The following PRDM12 variants were observed in gnomAD, a reference collection of about 807,000 sequenced individuals.
The protein encoded by PRDM12 is PR domain zinc finger protein 12.
PRDM12 carries 17 observed loss-of-function variants against 29.6 expected under a neutral mutation model. The observed-to-expected ratio is 0.57, with a 90% CI of 0.39 to 0.86. The LOEUF is 0.86. Among genes scored for constraint, PRDM12 ranks in the 40% least tolerant of loss-of-function variants. The pLI, the probability that PRDM12 is intolerant of heterozygous loss-of-function variation, is 0.00. For synonymous variants in PRDM12, 231 were observed against 225.8 expected (o/e 1.02, Z -0.21); for missense variants, 422 against 510.8 (o/e 0.83, Z 1.68).
At chr9:130,671,880 C>A (rs1588186241) in intron 3 of PRDM12, among the ~76,000 whole-genome samples, 1 of 152,186 alleles carries the variant, frequency 6.6e-6, no homozygotes, top group East Asian at 1.9e-4. Flanking sequence ...CCATTACTTA[C>A]CAAAAATAGG....
chr9:130,671,774 G>A (rs538609292), intron 3 of PRDM12, among the ~76,000 whole-genome samples: 16 of 152,230 alleles, frequency 1.1e-4, no homozygotes, highest in Admixed American at 2.0e-4. Flanking sequence ...TATTCTCTGC[G>A]TGTGGGTGAG....
rs1362393942 is a variant in PRDM12 at position 130,668,330 on chromosome 9, G to T, written c.570+17G>T. ...GCCATTGAGGTGTGTGTGTGTGTGT[G>T]CACTGTTGTGTAGGGACCAGCCGGT... On this transcript the variant is annotated intron_variant, in intron 3 of 4. Coordinates refer to ENST00000253008, the MANE Select transcript of PRDM12 (RefSeq NM_021619.3). This position sits in a 1 kb window ranked among gnomAD's most constrained non-coding sequence, Gnocchi z 4.0. 25 of 1,612,922 alleles carry T rather than the reference G, an allele frequency of 1.5e-5. No homozygotes were observed. Among genetic ancestry groups the T allele is most frequent in the Non-Finnish European group, 2.1e-5 (25 of 1,179,426 alleles).
chr9:130,675,688 G>C (rs1194836857), intron 3 of PRDM12, among the ~76,000 whole-genome samples: 2 of 152,226 alleles, frequency 1.3e-5, no homozygotes, highest in Admixed American at 6.5e-5. Flanking sequence ...GCAATGTGAG[G>C]AAACAGGCCC....
intron 3 of PRDM12, among the ~76,000 whole-genome samples, chr9:130,671,357 C>CAAA (rs781747555): frequency 3.6e-5 from 5 of 137,932 alleles, no homozygotes; most frequent in African/African-American, 1.3e-4. Flanking sequence ...ACAACAACAA[C>CAAA]AAAAAAAGAG....
chr9:130,677,425 C>T (rs773754981), intron 3 of PRDM12, among the ~76,000 whole-genome samples: 1 of 152,028 alleles, frequency 6.6e-6, no homozygotes, highest in Non-Finnish European at 1.5e-5. Context: ...GTTTCAGACA[C>T]CTCTAGATGG....
Position 130,682,092 on chromosome 9 carries a change from A to G in PRDM12, c.*423A>G, listed in dbSNP as rs1232754609. The G allele has an allele frequency of 6.6e-6, 1 of 151,182 alleles. No individual in the cohort carries two copies. Among genetic ancestry groups the G allele is most frequent in the Non-Finnish European group, 1.5e-5 (1 of 67,930 alleles). The allele number at this position is 151,182 out of a possible 1,614,324, so 9.4% of individuals were successfully genotyped here. ...GCCACCGAGAGTCCTGTGCTTCGGAATGAAGGGAGGGCGACCTCCTTGTCC... is the reference window on the plus strand; with the variant it reads ...GCCACCGAGAGTCCTGTGCTTCGGAGTGAAGGGAGGGCGACCTCCTTGTCC... On this transcript the variant is annotated 3_prime_UTR_variant, in exon 5 of 5. Transcript: ENST00000253008. This position sits in a 1 kb window ranked among gnomAD's most constrained non-coding sequence, Gnocchi z 4.2.
intron 3 of PRDM12, among the ~76,000 whole-genome samples, chr9:130,672,262 T>C (rs867105978): frequency 1.9e-4 from 29 of 152,160 alleles, no homozygotes; most frequent in Admixed American, 1.3e-4. Flanking sequence ...AGTGCAATGG[T>C]GCAATCTTGG....
chr9:130,669,309 A>G (rs1283724776), intron 3 of PRDM12, among the ~76,000 whole-genome samples: 2 of 152,122 alleles, frequency 1.3e-5, no homozygotes, highest in Admixed American at 6.6e-5. Flanking sequence ...CCTGGGCGAC[A>G]GAGCGAGACT....
intron 4 of PRDM12, 92 bp downstream of exon 4, chr9:130,678,732 C>T (rs945022126): frequency 8.5e-6 from 9 of 1,063,152 alleles, no homozygotes; most frequent in Admixed American, 4.7e-5. Flanking sequence ...CAGAGAGGCT[C>T]TTGGCCTCCA....
In PRDM12 at chr9:130,668,107, T is replaced by A. The variant is rs1415796206; in HGVS notation, c.415-51T>A. 6.3e-7 allele frequency: 1 copy of A among 1,599,378 alleles called. No individual in the cohort carries two copies. Among genetic ancestry groups the A allele is most frequent in the South Asian group, 1.1e-5 (1 of 90,368 alleles). On this transcript the variant is annotated intron_variant, in intron 2 of 4. Coordinates refer to ENST00000253008, the MANE Select transcript of PRDM12 (RefSeq NM_021619.3). This position sits in a 1 kb window ranked among gnomAD's most constrained non-coding sequence, Gnocchi z 4.0. Reference sequence around the variant, plus strand: ...GTGTGTGGATGTGCCTGGAAGATGGTACACATGGCATAGCCCTGCCTTACC... The same window carrying A: ...GTGTGTGGATGTGCCTGGAAGATGGAACACATGGCATAGCCCTGCCTTACC...
At chr9:130,667,425 G>A (rs1830743569) in intron 2 of PRDM12, among the ~76,000 whole-genome samples, 1 of 152,048 alleles carries the variant, frequency 6.6e-6, no homozygotes, top group African/African-American at 2.4e-5. Flanking sequence ...TGCCAGGGAG[G>A]GCCACCCCTG....
intron 2 of PRDM12, among the ~76,000 whole-genome samples, chr9:130,667,531 G>C (rs1373427302): frequency 1.3e-5 from 2 of 151,046 alleles, no homozygotes; most frequent in Non-Finnish European, 3.0e-5. Context: ...CCCCACTCCA[G>C]CTCCCCCCGG....
chr9:130,674,492 T>TGTGTGTGTG (rs1830817610), intron 3 of PRDM12, among the ~76,000 whole-genome samples: 2 of 142,796 alleles, frequency 1.4e-5, no homozygotes, highest in African/African-American at 5.3e-5. Flanking sequence ...AAAAGATAAT[T>TGTGTGTGTG]TGTGTGTGTG....
chr9:130,680,644 TATATATATATATA>T (rs1830888100), intron 4 of PRDM12, among the ~76,000 whole-genome samples: 1 of 79,568 alleles, frequency 1.3e-5, no homozygotes. Flanking sequence ...AATATATATA[TATATATATATATA>T]TATTTTTTTT....
intron 1 of PRDM12, among the ~76,000 whole-genome samples, chr9:130,666,294 CG>C (rs1564244377): frequency 6.6e-6 from 1 of 152,196 alleles, no homozygotes; most frequent in Non-Finnish European, 1.5e-5. Context: ...TAAACTTATC[CG>C]GGGCAGAGGA....
At chr9:130,675,012 T>G (rs965517380) in intron 3 of PRDM12, among the ~76,000 whole-genome samples, 9 of 152,168 alleles carry the variant, frequency 5.9e-5, no homozygotes, top group African/African-American at 9.6e-5. Flanking sequence ...CCTGAGCAGG[T>G]GGGATTACAG....
intron 3 of PRDM12, among the ~76,000 whole-genome samples, chr9:130,673,009 C>G (rs74540582): frequency 6.6e-6 from 1 of 152,160 alleles, no homozygotes; most frequent in South Asian, 2.1e-4. Context: ...CGCTGGTATT[C>G]CAGAGTTTTA....
chr9:130,680,669 T>A, intron 4 of PRDM12, among the ~76,000 whole-genome samples: 1 of 120,494 alleles, frequency 8.3e-6, no homozygotes, highest in Non-Finnish European at 1.7e-5. Flanking sequence ...ATTTTTTTTT[T>A]TTTTAACTGA....
intron 1 of PRDM12, among the ~76,000 whole-genome samples, chr9:130,665,660 T>C (rs2132587779): frequency 6.6e-6 from 1 of 152,322 alleles, no homozygotes; most frequent in Admixed American, 6.5e-5. Context: ...CTTCCAGGGC[T>C]AATGAATTTA....
Sources: gnomAD v4.1 joint callset for allele counts (sites outside exome capture counted in the v4.1 genomes callset) on GRCh38, gnomAD v4.1.1 for gene constraint, Gnocchi (gnomAD v3.1) non-coding constraint, MANE v1.5 for transcripts, NCBI Gene and HGNC (gene_info 2026-07-23, HGNC 2026-07-21) for gene names.